The following UPF2 variants were observed in gnomAD, a reference collection of about 807,000 sequenced individuals.
The protein encoded by UPF2 is UPF2 regulator of nonsense mediated mRNA decay.
Under a neutral mutation model 141.4 loss-of-function variants are expected in UPF2, and 17 were observed. The observed-to-expected ratio is 0.12, with a 90% CI of 0.08 to 0.18. The LOEUF (loss-of-function observed/expected upper bound fraction) is 0.18. Ranked by LOEUF, UPF2 falls within the 10% of genes least tolerant of loss-of-function variation. The probability of loss-of-function intolerance (pLI) is 1.00; values close to 1 mark genes in which losing one functional copy is unlikely to be tolerated. For synonymous variants in UPF2, 540 were observed against 498.0 expected, an observed-to-expected ratio of 1.08 and a Z score of -1.12; for missense variants, 1,152 against 1,515.9, an observed-to-expected ratio of 0.76 and a Z score of 3.99.
chr10:11,942,922 G>T, intron 17 of UPF2, 142 bp downstream of exon 17: 1 of 920,256 alleles, frequency 1.1e-6, no homozygotes, highest in Non-Finnish European at 1.6e-6. Context: ...TAAAGAAAAT[G>T]GTTAGGAAAA....
chr10:12,021,039 T>C (rs1037660232), intron 3 of UPF2, among the ~76,000 whole-genome samples: 6 of 152,190 alleles, frequency 3.9e-5, no homozygotes, highest in African/African-American at 1.2e-4. Context: ...ATGTATACTA[T>C]ACACTTCAAA....
At chr10:12,001,271 G>T (rs563925145) in intron 6 of UPF2, among the ~76,000 whole-genome samples, 2 of 151,980 alleles carry the variant, frequency 1.3e-5, no homozygotes, top group African/African-American at 4.8e-5. Flanking sequence ...AAAATTAGCT[G>T]GGCATGGTGG....
In UPF2 at chr10:11,959,073, A is replaced by T; in HGVS notation, c.2370+98T>A. Reference sequence around the variant, plus strand: ...CTTACACAGAGCTGATTATAAAGGAACTTGAGCTCTACCCCCACTTCTCCT... The same window carrying T: ...CTTACACAGAGCTGATTATAAAGGATCTTGAGCTCTACCCCCACTTCTCCT... On this transcript the variant is annotated intron_variant, in intron 12 of 21. Transcript: ENST00000357604. This position sits in a 1 kb window ranked among gnomAD's most constrained non-coding sequence, Gnocchi z 5.9. 1 of 1,182,140 alleles carries T rather than the reference A, an allele frequency of 8.5e-7. No homozygotes were observed. The highest frequency in any genetic ancestry group is 1.1e-6 in the Non-Finnish European group (1 of 881,782). 73.2% of individuals were successfully genotyped at this position (1,182,140 alleles called of 1,614,324 possible). A position where few individuals can be genotyped will look rare whatever the true frequency, so the allele number is the denominator to read the frequency against.
intron 1 of UPF2, among the ~76,000 whole-genome samples, chr10:12,039,796 T>A (rs1189270845): frequency 3.9e-5 from 6 of 151,984 alleles, no homozygotes; most frequent in Admixed American, 1.3e-4. Flanking sequence ...AATTTTGTAT[T>A]TTTAGTAGAG....
chr10:12,012,308 T>C (rs1210359158), intron 4 of UPF2, among the ~76,000 whole-genome samples: 3 of 151,880 alleles, frequency 2.0e-5, no homozygotes, highest in Non-Finnish European at 4.4e-5. Flanking sequence ...ATGATCCACC[T>C]GCCCTGGCCT....
rs1043492261 is a variant in UPF2, at chr10:12,014,738, T to A, written c.1146-554A>T. Among the ~76,000 whole-genome samples, 3 of 152,180 alleles carry A rather than the reference T, an allele frequency of 2.0e-5. No homozygotes were observed. Among genetic ancestry groups the A allele is most frequent in the Non-Finnish European group, 4.4e-5 (3 of 68,032 alleles). ...AACTCAGTTTTCAAAACCAACAGATTTTGAATAGGTTCAAAAGAAACAGAA... is the reference window on the plus strand; with the variant it reads ...AACTCAGTTTTCAAAACCAACAGATATTGAATAGGTTCAAAAGAAACAGAA... On this transcript the variant is annotated intron_variant, in intron 3 of 21. Transcript: ENST00000357604. This position sits in a 1 kb window ranked among gnomAD's most constrained non-coding sequence, Gnocchi z 5.0.
intron 8 of UPF2, among the ~76,000 whole-genome samples, chr10:11,981,262 C>T (rs1190674657): frequency 6.6e-6 from 1 of 152,132 alleles, no homozygotes; most frequent in African/African-American, 2.4e-5. Context: ...CATGGTACTC[C>T]TCAAAAACTT....
intron 8 of UPF2, among the ~76,000 whole-genome samples, chr10:11,985,528 T>C (rs536328881): frequency 6.6e-6 from 1 of 150,464 alleles, no homozygotes; most frequent in South Asian, 2.1e-4. Flanking sequence ...TCCCAGCTAC[T>C]CGGGAGGCTG....
In UPF2 at chr10:11,979,906, CGAAT is replaced by C. The variant is rs1037475013; in HGVS notation, c.1845-745_1845-742del. ...GGTGACAAAGCAAGACTCCATCAAA[CGAAT>C]GAATGAATGAATGAATGGTACTCAA... On this transcript the variant is annotated intron_variant, in intron 8 of 21. Coordinates refer to ENST00000357604, the MANE Select transcript of UPF2 (RefSeq NM_015542.4). The surrounding 1 kb of genome is among the most constrained non-coding windows in gnomAD (Gnocchi z 6.2). Among the ~76,000 whole-genome samples, 105 of 152,054 alleles carry C rather than the reference CGAAT, an allele frequency of 6.9e-4. No homozygotes were observed. Among genetic ancestry groups the C allele is most frequent in the African/African-American group, 2.4e-3 (101 of 41,480 alleles).
intron 8 of UPF2, among the ~76,000 whole-genome samples, chr10:11,987,268 G>GT (rs1833708234): frequency 1.3e-5 from 2 of 152,134 alleles, no homozygotes; most frequent in Admixed American, 6.5e-5. Context: ...CACGGTACAT[G>GT]TTTACCTATG....
rs567258281 is a variant in UPF2 at position 12,019,734 on chromosome 10, T to C, written c.1146-5550A>G. On this transcript the variant is annotated intron_variant, in intron 3 of 21. Transcript: ENST00000357604. This position sits in a 1 kb window ranked among gnomAD's most constrained non-coding sequence, Gnocchi z 4.5. Reference sequence around the variant, plus strand: ...ATTTTATGGAGTGTTTTTTTTTGTTTTGTTTTTGAGATGGATTCTCGCTCT... The same window carrying C: ...ATTTTATGGAGTGTTTTTTTTTGTTCTGTTTTTGAGATGGATTCTCGCTCT... Among the ~76,000 whole-genome samples, 183 of 152,318 alleles carry C rather than the reference T, an allele frequency of 1.2e-3. 1 individual carries two copies. Among genetic ancestry groups the C allele is most frequent in the Non-Finnish European group, 1.9e-3 (131 of 68,020 alleles).
intron 11 of UPF2, among the ~76,000 whole-genome samples, chr10:11,963,256 A>T (rs2102319): frequency 6.6e-6 from 1 of 152,202 alleles, no homozygotes; most frequent in African/African-American, 2.4e-5. Flanking sequence ...CACCCATTAC[A>T]GGTGAACCAC....
chr10:11,939,428 G>C lies in UPF2; in HGVS notation c.3379-2716C>G, dbSNP rs1233040202. ...CGTTATCTTCATCATATTACTAAAC[G>C]GTCATGTTTTGGGTCTATTTTGGAT... On this transcript the variant is annotated intron_variant, in intron 18 of 21. Transcript: ENST00000357604. The surrounding 1 kb of genome is among the most constrained non-coding windows in gnomAD (Gnocchi z 4.8). Among the ~76,000 whole-genome samples, 1 of 151,740 alleles carries C rather than the reference G, an allele frequency of 6.6e-6. No individual in the cohort carries two copies. Among genetic ancestry groups the C allele is most frequent in the Non-Finnish European group, 1.5e-5 (1 of 67,962 alleles).
intron 2 of UPF2, 49 bp from the exon 3 acceptor site, chr10:12,029,573 A>G (rs761330733): frequency 2.7e-6 from 4 of 1,508,330 alleles, no homozygotes; most frequent in Non-Finnish European, 3.5e-6. Context: ...ATTTTGAAGC[A>G]TTATACACAA....
At chr10:11,937,292 A>G (rs1832865068) in intron 18 of UPF2, among the ~76,000 whole-genome samples, 2 of 152,240 alleles carry the variant, frequency 1.3e-5, no homozygotes, top group African/African-American at 4.8e-5. Context: ...CATGTGTTAC[A>G]GGCTTGGAGA....
chr10:12,035,146 T>G lies in UPF2; in HGVS notation c.278A>C (p.Glu93Ala), dbSNP rs778146035. The change falls in exon 2 of 22, where the codon GAA (glutamate) becomes GCA (alanine). Residue 93 changes from glutamate (E) to alanine (A), a missense_variant. Around this residue, in one of 4 missense-constraint regions of UPF2, gnomAD observed 145 missense variants for 136.5 expected, o/e 1.06. Transcript: ENST00000357604. ...EEESKKKEEEEKKKHQEEERK... is the reference protein window; with the variant it reads ...EEESKKKEEEAKKKHQEEERK... ...CTCTTCCTCTTGATGTTTCTTTTTT[T>G]CTTCCTCTTCTTTTTTCTTTGATTC... 2 of 1,602,376 alleles carry G rather than the reference T, an allele frequency of 1.2e-6. No individual in the cohort carries two copies. The highest frequency in any genetic ancestry group is 1.7e-6 in the Non-Finnish European group (2 of 1,177,638).
chr10:12,016,915 G>T lies in UPF2; in HGVS notation c.1146-2731C>A, dbSNP rs1834231572. Among the ~76,000 whole-genome samples the T allele has an allele frequency of 1.3e-5, 2 of 151,630 alleles. No homozygotes were observed. The highest frequency in any genetic ancestry group is 1.3e-4 in the Admixed American group (2 of 15,194). On this transcript the variant is annotated intron_variant, in intron 3 of 21. Transcript: ENST00000357604. The surrounding 1 kb of genome is among the most constrained non-coding windows in gnomAD (Gnocchi z 4.1). ...GGTGCCTGTAATCCTAGCTCCTTGGGAGGCTGAGGCAGGAGAATCATTTGA... is the reference window on the plus strand; with the variant it reads ...GGTGCCTGTAATCCTAGCTCCTTGGTAGGCTGAGGCAGGAGAATCATTTGA...
At chr10:11,964,444 A>G (rs935288258) in intron 10 of UPF2, among the ~76,000 whole-genome samples, 2 of 152,172 alleles carry the variant, frequency 1.3e-5, no homozygotes, top group African/African-American at 4.8e-5. Flanking sequence ...GTCTTGGTCT[A>G]TATATTTATT....
At position 12,035,085 on chromosome 10, in the gene UPF2, T is replaced by C. The variant is rs1834598075; in HGVS notation, c.339A>G (p.Gln113=). The change falls in exon 2 of 22, where the codon CAA becomes CAG. Residue 113 remains glutamine, a synonymous_variant. Coordinates refer to ENST00000357604, the MANE Select transcript of UPF2 (RefSeq NM_015542.4). ...KKQEEQAKRQ[Q]EEEAAAQMKE... is the part of the protein sequence containing the mutation. The stretch of plus-strand genomic sequence containing the variant: ...TCATCTGAGCAGCTGCTTCTTCTTC[T>C]TGCTGACGTTTGGCCTGCTCTTCTT... The C allele has an allele frequency of 6.4e-7, 1 of 1,573,004 alleles. No individual in the cohort carries two copies. The highest frequency in any genetic ancestry group is 8.6e-7 in the Non-Finnish European group (1 of 1,169,338).
Sources: gnomAD v4.1 joint callset for allele counts (sites outside exome capture counted in the v4.1 genomes callset) on GRCh38, gnomAD v4.1.1 for gene constraint, gnomAD v4.1.1 regional missense constraint, Gnocchi (gnomAD v3.1) non-coding constraint, MANE v1.5 for transcripts, NCBI Gene and HGNC (gene_info 2026-07-23, HGNC 2026-07-21) for gene names.